Variants in KIAA0753 observed in about 807,000 individuals in gnomAD.
The protein encoded by KIAA0753 is KIAA0753.
KIAA0753 carries 114 observed loss-of-function variants against 116.9 expected under a neutral mutation model. That is an observed-to-expected ratio of 0.98 (90% confidence interval 0.84 to 1.14). The LOEUF (loss-of-function observed/expected upper bound fraction) is 1.14, where lower values mean the gene tolerates loss of function less well. Ranked by LOEUF, KIAA0753 falls within the 50% of genes most tolerant of loss-of-function variation. The pLI is 0.00. For missense variants in KIAA0753, 1,156 were observed against 1,172.4 expected (o/e 0.99, Z 0.20); for synonymous variants, 405 against 413.1 (o/e 0.98, Z 0.24).
At chr17:6,615,291 A>G (rs896361630) in intron 7 of KIAA0753, among the ~76,000 whole-genome samples, 1 of 152,080 alleles carries the variant, frequency 6.6e-6, no homozygotes, top group Admixed American at 6.5e-5. Context: ...TTAGTCACCT[A>G]GTAGCTGTCT....
chr17:6,604,666 G>T (rs1467364871), intron 12 of KIAA0753, among the ~76,000 whole-genome samples: 5 of 151,942 alleles, frequency 3.3e-5, no homozygotes, highest in Non-Finnish European at 7.4e-5. Flanking sequence ...GGAGAGAAGT[G>T]GGTGTGGCAA....
chr17:6,623,572 C>T lies in KIAA0753; in HGVS notation c.826-1G>A. On this transcript the variant is annotated splice_acceptor_variant, in intron 4 of 18. Transcript: ENST00000361413. LOFTEE classifies it high-confidence loss of function. ...CCAATTCTTCCTGGATTTCTTTTACCTGTTTTGTAAAGGGGAAAAAAGAAA... is the reference window on the plus strand; with the variant it reads ...CCAATTCTTCCTGGATTTCTTTTACTTGTTTTGTAAAGGGGAAAAAAGAAA... 6 of 1,607,988 alleles carry T rather than the reference C, an allele frequency of 3.7e-6. No homozygotes were observed. Among genetic ancestry groups the T allele is most frequent in the South Asian group, 1.1e-5 (1 of 90,226 alleles).
chr17:6,630,039 T>C (rs1159793938), intron 2 of KIAA0753, among the ~76,000 whole-genome samples: 1 of 152,048 alleles, frequency 6.6e-6, no homozygotes, highest in South Asian at 2.1e-4. Flanking sequence ...CAAGAATCGC[T>C]TGAGCCTGGG....
At chr17:6,587,520 A>G (rs1166945926) in intron 18 of KIAA0753, among the ~76,000 whole-genome samples, 1 of 152,222 alleles carries the variant, frequency 6.6e-6, no homozygotes, top group Non-Finnish European at 1.5e-5. Flanking sequence ...GGGTTTCCCA[A>G]TATCCTGGTT....
chr17:6,626,547 G>C (rs1040070302), intron 3 of KIAA0753, among the ~76,000 whole-genome samples: 9 of 151,944 alleles, frequency 5.9e-5, no homozygotes, highest in African/African-American at 2.2e-4. Flanking sequence ...GGGTTTGAAG[G>C]CTCACTGCAG....
chr17:6,621,961 G>C (rs561835900), intron 6 of KIAA0753, among the ~76,000 whole-genome samples: 2 of 152,270 alleles, frequency 1.3e-5, no homozygotes, highest in East Asian at 3.9e-4. Flanking sequence ...ACATTTGCTT[G>C]ATAATGAAAC....
At chr17:6,582,967 G>T (rs538923819) in intron 18 of KIAA0753, among the ~76,000 whole-genome samples, 1 of 152,218 alleles carries the variant, frequency 6.6e-6, no homozygotes, top group African/African-American at 2.4e-5. Flanking sequence ...CATCAGTATT[G>T]TTTCATACAG....
chr17:6,636,042 G>C (rs1258702437), intron 1 of KIAA0753: 2 of 152,246 alleles, frequency 1.3e-5, no homozygotes, highest in East Asian at 1.9e-4. Context: ...CTGATTTTCT[G>C]TGAACTGACT....
intron 12 of KIAA0753, among the ~76,000 whole-genome samples, chr17:6,602,149 G>A (rs1428774375): frequency 2.0e-5 from 3 of 152,146 alleles, no homozygotes; most frequent in East Asian, 1.9e-4. Flanking sequence ...CAATAGAAAC[G>A]AACTCACATG....
chr17:6,623,520 G>C lies in KIAA0753; in HGVS notation c.877C>G (p.His293Asp). Residue 293 changes from histidine (H) to aspartate (D), a missense_variant, in exon 5 of 19, where the codon CAC (histidine) becomes GAC (aspartate). Coordinates refer to ENST00000361413, the MANE Select transcript of KIAA0753 (RefSeq NM_014804.3). ...TAATTGCAGCATACCTTCTTAGTGT[G>C]TTTAATTTTATGTGGACTCAATTTA... ...LDKLSPHKIKHTKKSWAMSKL... is the reference protein window; with the variant it reads ...LDKLSPHKIKDTKKSWAMSKL... 1 of 1,605,090 alleles carries C rather than the reference G, an allele frequency of 6.2e-7. No homozygotes were observed. Among genetic ancestry groups the C allele is most frequent in the Non-Finnish European group, 8.5e-7 (1 of 1,173,802 alleles).
At chr17:6,580,645 G>T (rs989515990) in intron 18 of KIAA0753, among the ~76,000 whole-genome samples, 1 of 152,106 alleles carries the variant, frequency 6.6e-6, no homozygotes, top group Non-Finnish European at 1.5e-5. Flanking sequence ...AAAACAAGGT[G>T]AGAGGCCCTG....
intron 18 of KIAA0753, among the ~76,000 whole-genome samples, chr17:6,580,649 G>A (rs564328841): frequency 6.6e-6 from 1 of 152,198 alleles, no homozygotes; most frequent in Admixed American, 6.5e-5. Flanking sequence ...CAAGGTGAGA[G>A]GCCCTGCTCT....
In KIAA0753 at chr17:6,628,318, C is replaced by T; in HGVS notation, c.517G>A (p.Val173Ile). 1.2e-6 allele frequency: 2 copies of T among 1,614,128 alleles called. No homozygotes were observed. Among genetic ancestry groups the T allele is most frequent in the Non-Finnish European group, 1.7e-6 (2 of 1,180,022 alleles). Residue 173 changes from valine (V) to isoleucine (I), a missense_variant, in exon 3 of 19, where the codon GTA (valine) becomes ATA (isoleucine). Physicochemically the swap from Val to Ile is conservative, Grantham distance 29 (BLOSUM62 3). Coordinates refer to ENST00000361413, the MANE Select transcript of KIAA0753 (RefSeq NM_014804.3). Reference sequence around the variant, plus strand: ...CCTGGATGAGATGAGTAAAGGTATACTTTGGCACCAGAGCTGGAGATTTCT... The same window carrying T: ...CCTGGATGAGATGAGTAAAGGTATATTTTGGCACCAGAGCTGGAGATTTCT... The part of the protein sequence containing the change: ...KVEISSSGAK[V>I]YLYSSHPGQS...
chr17:6,601,707 A>G (rs1164744383), intron 12 of KIAA0753, among the ~76,000 whole-genome samples: 1 of 152,244 alleles, frequency 6.6e-6, no homozygotes, highest in African/African-American at 2.4e-5. Context: ...AAAATACTTA[A>G]AGGAAAACAT....
At chr17:6,595,121 A>G in intron 15 of KIAA0753, 68 bp from the exon 16 acceptor site, 1 of 1,092,394 alleles carries the variant, frequency 9.2e-7, no homozygotes, top group South Asian at 1.4e-5. Context: ...CAGAACTGGT[A>G]AAGATGTAAA....
chr17:6,624,536 C>CCACCCACACA (rs1555532324), intron 4 of KIAA0753, among the ~76,000 whole-genome samples: 1 of 143,910 alleles, frequency 6.9e-6, no homozygotes, highest in Non-Finnish European at 1.5e-5. Flanking sequence ...GAGTTTGGCG[C>CCACCCACACA]CACACACACA....
At chr17:6,605,831 G>A (rs1970162896) in intron 12 of KIAA0753, among the ~76,000 whole-genome samples, 1 of 152,078 alleles carries the variant, frequency 6.6e-6, no homozygotes, top group African/African-American at 2.4e-5. Flanking sequence ...ATTTTGGATT[G>A]CACATGTGCA....
At chr17:6,637,967 CAGG>C (rs1489752108) in intron 1 of KIAA0753, 1 of 152,482 alleles carries the variant, frequency 6.6e-6, no homozygotes, top group Non-Finnish European at 1.5e-5. Flanking sequence ...TCGGTGGCCA[CAGG>C]AGCCCTGACC....
rs1185411299 is a variant in KIAA0753 at position 6,578,785 on chromosome 17, A to T, written c.*962T>A. ...TTTTTCTGAATTCAGAGTTTCTGAA[A>T]ACACAGGCTTTTCTCTTGGAAAACA... is the stretch of plus-strand genomic sequence containing the variant. On this transcript the variant is annotated 3_prime_UTR_variant, in exon 19 of 19. Transcript: ENST00000361413. 1 of 152,224 alleles carries T rather than the reference A, an allele frequency of 6.6e-6. No individual in the cohort carries two copies. Among genetic ancestry groups the T allele is most frequent in the Admixed American group, 6.5e-5 (1 of 15,282 alleles). 9.4% of individuals were successfully genotyped at this position (152,224 alleles called of 1,614,324 possible).
Sources: gnomAD v4.1 joint callset for allele counts (sites outside exome capture counted in the v4.1 genomes callset) on GRCh38, gnomAD v4.1.1 for gene constraint, MANE v1.5 for transcripts, NCBI Gene and HGNC (gene_info 2026-07-23, HGNC 2026-07-21) for gene names.